Variants in DYNC2I1 observed in about 807,000 individuals in gnomAD.
DYNC2I1 encodes dynein 2 intermediate chain 1.
Under a neutral mutation model 133.4 loss-of-function variants are expected in DYNC2I1, and 89 were observed. The ratio of observed to expected loss-of-function variants is 0.67; its 90% confidence interval spans 0.56 to 0.80. DYNC2I1 has a LOEUF of 0.80. Among genes scored for constraint, DYNC2I1 ranks in the 30% least tolerant of loss-of-function variants. The probability of loss-of-function intolerance (pLI) is 0.00; values close to 1 mark genes in which losing one functional copy is unlikely to be tolerated. For missense variants in DYNC2I1, 1,291 were observed against 1,314.5 expected (o/e 0.98, Z 0.28); for synonymous variants, 504 against 484.3 (o/e 1.04, Z -0.54).
At chr7:158,932,096 C>T (rs1850275127) in intron 21 of DYNC2I1, among the ~76,000 whole-genome samples, 1 of 152,160 alleles carries the variant, frequency 6.6e-6, no homozygotes, top group African/African-American at 2.4e-5. Flanking sequence ...ACTTTGTACC[C>T]CGCATCCCAT....
chr7:158,890,892 T>G (rs1845143835), intron 7 of DYNC2I1, among the ~76,000 whole-genome samples: 1 of 152,188 alleles, frequency 6.6e-6, no homozygotes, highest in South Asian at 2.1e-4. Flanking sequence ...GACTTCTAAG[T>G]GCATAGATCT....
At position 158,945,259 on chromosome 7, in the gene DYNC2I1, C is replaced by G. The variant is rs1459252114; in HGVS notation, c.3003-322C>G. On this transcript the variant is annotated intron_variant, in intron 24 of 24. Transcript: ENST00000407559. This position sits in a 1 kb window ranked among gnomAD's most constrained non-coding sequence, Gnocchi z 4.1. ...GAGGCTGGAGACCAAGGACGAGGCT[C>G]TGATAGATGGGCCTGCCTGTGCTGC... 3.9e-5 allele frequency among the ~76,000 whole-genome samples: 6 copies of G among 152,188 alleles called. No homozygotes were observed. The highest frequency in any genetic ancestry group is 2.1e-4 in the South Asian group (1 of 4,814).
chr7:158,946,140 A>G lies in DYNC2I1; in HGVS notation c.*361A>G, dbSNP rs143520365. 797 of 168,700 alleles carry G rather than the reference A, an allele frequency of 4.7e-3. 6 individuals carry two copies. Among genetic ancestry groups the G allele is most frequent in the African/African-American group, 0.018 (762 of 42,170 alleles). 10.5% of individuals were successfully genotyped at this position (168,700 alleles called of 1,614,324 possible). A position where few individuals can be genotyped will look rare whatever the true frequency, so the allele number is the denominator to read the frequency against. On this transcript the variant is annotated 3_prime_UTR_variant, in exon 25 of 25. Transcript: ENST00000407559. The stretch of plus-strand genomic sequence containing the variant: ...ATCTTAATGAACTATTTTCTTATGC[A>G]TAAAGTATGTGAACACATGTCTAAA...
At position 158,886,928 on chromosome 7, in the gene DYNC2I1, T is replaced by C. The variant is rs558673548; in HGVS notation, c.936-93T>C. 415 of 1,182,976 alleles carry C rather than the reference T, an allele frequency of 3.5e-4. 1 individual carries two copies. The highest frequency in any genetic ancestry group is 9.2e-4 in the Middle Eastern group (4 of 4,366). 73.3% of individuals were successfully genotyped at this position (1,182,976 alleles called of 1,614,324 possible). ...AGTAGTTCTTAATCATATCAAAATA[T>C]TGTTAAGAGCTTTCACTGATATGGA... is the stretch of plus-strand genomic sequence containing the variant. On this transcript the variant is annotated intron_variant, in intron 6 of 24. Transcript: ENST00000407559.
At chr7:158,841,181 A>G in the DYNC2I1 span, among the ~76,000 whole-genome samples, 4 of 13,480 alleles carry the variant, frequency 3.0e-4, no homozygotes, top group Admixed American at 1.4e-3. Flanking sequence ...ATATATATAT[A>G]TATATATATA....
intron 1 of DYNC2I1, among the ~76,000 whole-genome samples, chr7:158,867,257 G>A (rs1386450885): frequency 6.6e-6 from 1 of 152,148 alleles, no homozygotes; most frequent in African/African-American, 2.4e-5. Flanking sequence ...ACTATGGCGT[G>A]GTGATACGCG....
At chr7:158,863,588 G>A (rs1429187156) in intron 1 of DYNC2I1, among the ~76,000 whole-genome samples, 2 of 145,042 alleles carry the variant, frequency 1.4e-5, no homozygotes, top group South Asian at 2.3e-4. Flanking sequence ...GTGTGTGAGG[G>A]GGGCGGTGAG....
At position 158,922,273 on chromosome 7, in the gene DYNC2I1, T is replaced by G. The variant is rs1849175869; in HGVS notation, c.1922-104T>G. 9 of 1,192,266 alleles carry G rather than the reference T, an allele frequency of 7.5e-6. No homozygotes were observed. The Admixed American group carries it at 2.1e-4, about 28-fold the overall frequency. 73.9% of individuals were successfully genotyped at this position (1,192,266 alleles called of 1,614,324 possible). On this transcript the variant is annotated intron_variant, in intron 15 of 24. Coordinates refer to ENST00000407559, the MANE Select transcript of DYNC2I1 (RefSeq NM_018051.5). ...TTGGTTTCGAAAGGACCACGTTTGT[T>G]TCTTCATGAAGCTGAATTTTTTTTT...
chr7:158,899,338 A>G (rs1051538879), intron 8 of DYNC2I1, among the ~76,000 whole-genome samples: 2 of 152,368 alleles, frequency 1.3e-5, no homozygotes, highest in African/African-American at 4.8e-5. Context: ...ACACAAACAC[A>G]CATACACACA....
At chr7:158,863,833 G>T (rs575595485) in intron 1 of DYNC2I1, among the ~76,000 whole-genome samples, 87 of 132,762 alleles carry the variant, frequency 6.6e-4, no homozygotes, top group African/African-American at 2.3e-3. Flanking sequence ...TGGGGAGCCG[G>T]ACGTCCTTAG....
At chr7:158,905,260 C>A in intron 10 of DYNC2I1, 1 of 349,848 alleles carries the variant, frequency 2.9e-6, no homozygotes, top group Non-Finnish European at 5.5e-6. Flanking sequence ...TCTGCTTCAG[C>A]CTCCCGAGTA....
rs553854442 is a variant in DYNC2I1, at chr7:158,897,045, A to G, written c.1060-4694A>G. Among the ~76,000 whole-genome samples, 54 of 146,902 alleles carry G rather than the reference A, an allele frequency of 3.7e-4. No individual in the cohort carries two copies. In the South Asian group the frequency reaches 7.5e-3, roughly 20 times the overall value. On this transcript the variant is annotated intron_variant, in intron 8 of 24. Transcript: ENST00000407559. ...GTCTCCCAGGCTAAAGTGCAGTGGCACGGTCTCAGATCGCTGCAGCCTCCA... is the reference window on the plus strand; with the variant it reads ...GTCTCCCAGGCTAAAGTGCAGTGGCGCGGTCTCAGATCGCTGCAGCCTCCA...
chr7:158,945,702 C>T lies in DYNC2I1; in HGVS notation c.3124C>T (p.Pro1042Ser), dbSNP rs745769803. 6.2e-7 allele frequency: 1 copy of T among 1,611,484 alleles called. No homozygotes were observed. Among genetic ancestry groups the T allele is most frequent in the Admixed American group, 1.7e-5 (1 of 59,706 alleles). The change falls in exon 25 of 25, where the codon CCG (proline) becomes TCG (serine). Residue 1042 changes from proline to serine, a missense_variant. Pro to Ser is a moderately conservative substitution (Grantham distance 74). Coordinates refer to ENST00000407559, the MANE Select transcript of DYNC2I1 (RefSeq NM_018051.5). This position sits in a 1 kb window ranked among gnomAD's most constrained non-coding sequence, Gnocchi z 4.1. ...GCACCTGAAGAGGCGGTGGGCGGCC[C>T]CGGAGGTGGACGAGTGCAACAGGCT... ...IQHLKRRWAA[P>S]EVDECNRLRL...
chr7:158,958,265 G>A (rs573502862), downstream of DYNC2I1, among the ~76,000 whole-genome samples: 1 of 152,238 alleles, frequency 6.6e-6, no homozygotes, highest in East Asian at 1.9e-4. Flanking sequence ...CAGCAAAGCC[G>A]TGGTTGAAAA....
intron 5 of DYNC2I1, among the ~76,000 whole-genome samples, chr7:158,883,933 G>A (rs1254100835): frequency 6.6e-6 from 1 of 151,452 alleles, no homozygotes; most frequent in Non-Finnish European, 1.5e-5. Context: ...CAAAGTGCTG[G>A]GATTACAAGC....
Position 158,891,246 on chromosome 7 carries a change from G to T in DYNC2I1, c.991-19G>T. On this transcript the variant is annotated intron_variant, in intron 7 of 24. Transcript: ENST00000407559. ...TCCCACCTGTGTCCTGGCTGATGGG[G>T]CTGTTCTCTCTCCATTAGCATGGCC... The T allele has an allele frequency of 6.2e-7, 1 of 1,613,986 alleles. No homozygotes were observed. The highest frequency in any genetic ancestry group is 1.7e-4 in the Middle Eastern group (1 of 6,030).
intron 15 of DYNC2I1, among the ~76,000 whole-genome samples, chr7:158,921,067 C>T (rs2129486401): frequency 6.6e-6 from 1 of 152,346 alleles, no homozygotes; most frequent in Admixed American, 6.5e-5. Context: ...ACTCTGCCCT[C>T]CTGAACTTGT....
the DYNC2I1 span, among the ~76,000 whole-genome samples, chr7:158,840,460 G>A: frequency 8.5e-5 from 13 of 152,226 alleles, no homozygotes; most frequent in African/African-American, 2.9e-4. Flanking sequence ...CCAGCTACTC[G>A]GGAGGCTGAG....
At chr7:158,954,227 C>A (rs561686010) in intron 4 of DYNC2I1, among the ~76,000 whole-genome samples, 1 of 152,314 alleles carries the variant, frequency 6.6e-6, no homozygotes, top group East Asian at 1.9e-4. Context: ...TCCATTACAC[C>A]TCTTTCCTTT....
Sources: allele counts gnomAD v4.1 joint callset (sites outside exome capture counted in the v4.1 genomes callset), GRCh38; gene constraint gnomAD v4.1.1; non-coding constraint Gnocchi (gnomAD v3.1); transcripts MANE v1.5; gene names NCBI Gene and HGNC (gene_info 2026-07-23, HGNC 2026-07-21).